COL4A3: variants seen among roughly 807,000 people sequenced by gnomAD.
The protein encoded by COL4A3 is collagen type IV alpha 3 chain, also known as collagen alpha-3(IV) chain.
COL4A3 carries 135 observed loss-of-function variants against 217.4 expected under a neutral mutation model. The observed-to-expected ratio is 0.62, with a 90% CI of 0.54 to 0.72. COL4A3 has a LOEUF of 0.72. Among genes scored for constraint, COL4A3 ranks in the 30% least tolerant of loss-of-function variants. The probability of loss-of-function intolerance (pLI) is 0.00; values close to 1 mark genes in which losing one functional copy is unlikely to be tolerated. For synonymous variants in COL4A3, 690 were observed against 736.3 expected (o/e 0.94, Z 1.02); for missense variants, 1,868 against 2,119.9 (o/e 0.88, Z 2.33).
In COL4A3 at chr2:227,164,960, G is replaced by A; in HGVS notation, c.87+147G>A. On this transcript the variant is annotated intron_variant, in intron 1 of 51. Coordinates refer to ENST00000396578, the MANE Select transcript of COL4A3 (RefSeq NM_000091.5). The surrounding 1 kb of genome is among the most constrained non-coding windows in gnomAD (Gnocchi z 4.8). ...GCTGAGGGCTTCACGCAGGTCCCGGGACAGGCAGCGAGCGGAAGGGAGCAA... is the reference window on the plus strand; with the variant it reads ...GCTGAGGGCTTCACGCAGGTCCCGGAACAGGCAGCGAGCGGAAGGGAGCAA... 2 of 1,045,186 alleles carry A rather than the reference G, an allele frequency of 1.9e-6. No homozygotes were observed. The highest frequency in any genetic ancestry group is 6.1e-5 in the East Asian group (2 of 32,938). 64.7% of individuals were successfully genotyped at this position (1,045,186 alleles called of 1,614,324 possible). A position where few individuals can be genotyped will look rare whatever the true frequency, so the allele number is the denominator to read the frequency against.
Position 227,295,044 on chromosome 2 carries a change from G to A in COL4A3, c.3499G>A (p.Gly1167Arg), listed in dbSNP as rs267606745. ...ACGTGATGGAATTCCTGGTCCAGCC[G>A]GAGAAAAGGGAGAAACGGGTACAAC... ...QGRDGIPGPA[G>R]EKGETGLLRA... The change falls in exon 40 of 52, where the codon GGA (glycine) becomes AGA (arginine). Residue 1167 changes from glycine (G) to arginine (R), a missense_variant. Around this residue, in one of 2 missense-constraint regions of COL4A3, gnomAD observed 1,503 missense variants for 1,786.1 expected, o/e 0.84. Coordinates refer to ENST00000396578, the MANE Select transcript of COL4A3 (RefSeq NM_000091.5). 14 of 1,613,458 alleles carry A rather than the reference G, an allele frequency of 8.7e-6. No homozygotes were observed. Among genetic ancestry groups the A allele is most frequent in the Admixed American group, 3.3e-5 (2 of 59,952 alleles).
rs74379096 is a variant in COL4A3, at chr2:227,310,871, T to C, written c.4851T>C (p.His1617=). 1.2e-6 allele frequency: 2 copies of C among 1,614,042 alleles called. No individual in the cohort carries two copies. The highest frequency in any genetic ancestry group is 2.7e-5 in the African/African-American group (2 of 74,912). Residue 1617 remains histidine (H), a synonymous_variant, in exon 51 of 52, where the codon CAT becomes CAC. Coordinates refer to ENST00000396578, the MANE Select transcript of COL4A3 (RefSeq NM_000091.5). The stretch of plus-strand genomic sequence containing the variant: ...GAGCCAGCCCATTTCTAGAATGTCA[T>C]GGAAGAGGAACGTGCAACTACTATT... ...EFRASPFLEC[H]GRGTCNYYSN...
At chr2:227,263,487 T>C (rs2070715837) in intron 20 of COL4A3, among the ~76,000 whole-genome samples, 1 of 152,236 alleles carries the variant, frequency 6.6e-6, no homozygotes, top group Non-Finnish European at 1.5e-5. Flanking sequence ...ATGGAAGTAT[T>C]CCTCACTTCC....
Position 227,253,336 on chromosome 2 carries a change from G to A in COL4A3, c.686G>A (p.Arg229Gln), listed in dbSNP as rs188942711. The change falls in exon 12 of 52, where the codon CGG becomes CAG. Residue 229 changes from arginine to glutamine, a missense_variant and splice_region_variant. This residue lies in a region of COL4A3 where 365 missense variants were observed against 333.8 expected (regional missense o/e 1.09). Transcript: ENST00000396578. The surrounding 1 kb of genome is among the most constrained non-coding windows in gnomAD (Gnocchi z 4.4). ...AGAGTGATAGGACATAAAGGAGAGC[G>A]GGTAATTTAAATACTATGTTTTATT... ...GERVIGHKGE[R>Q]GVKGLTGPPG... The A allele has an allele frequency of 7.8e-5, 126 of 1,613,574 alleles. No homozygotes were observed. The highest frequency in any genetic ancestry group is 6.6e-4 in the Middle Eastern group (4 of 6,062).
intron 1 of COL4A3, among the ~76,000 whole-genome samples, chr2:227,177,511 C>T (rs1444234736): frequency 6.6e-6 from 1 of 151,986 alleles, no homozygotes; most frequent in Non-Finnish European, 1.5e-5. Flanking sequence ...TAGATTGGTA[C>T]CATAAGTTAT....
intron 1 of COL4A3, among the ~76,000 whole-genome samples, chr2:227,195,828 T>G: frequency 6.6e-6 from 1 of 151,086 alleles, no homozygotes; most frequent in African/African-American, 2.4e-5. Flanking sequence ...CAACAAGAGG[T>G]GGAGATGGAA....
intron 4 of COL4A3, 38 bp downstream of exon 4, chr2:227,244,402 A>G: frequency 6.3e-7 from 1 of 1,589,240 alleles, no homozygotes; most frequent in Non-Finnish European, 8.6e-7. Flanking sequence ...TCGTTAAAAG[A>G]TCAGCTTTTC....
At chr2:227,293,970 G>A (rs879387579) in intron 38 of COL4A3, 113 of 332,020 alleles carry the variant, frequency 3.4e-4, no homozygotes, top group Non-Finnish European at 3.4e-4. Flanking sequence ...GTCATGTTCC[G>A]AAGTACTGAA....
chr2:227,292,610 CTGAAG>C (rs1282562651), intron 37 of COL4A3, among the ~76,000 whole-genome samples: 2 of 152,114 alleles, frequency 1.3e-5, no homozygotes, highest in Admixed American at 6.5e-5. Flanking sequence ...TGTCGTAAAA[CTGAAG>C]TGAAGATTTA....
rs1055711901 is a variant in COL4A3, at chr2:227,179,802, C to T, written c.87+14989C>T. ...TGCAATCAAGTGATGGGCTTAGATA[C>T]GTGTGCAGAGAATAATAGTAAAATT... On this transcript the variant is annotated intron_variant, in intron 1 of 51. Transcript: ENST00000396578. 3.9e-5 allele frequency among the ~76,000 whole-genome samples: 6 copies of T among 152,048 alleles called. No individual in the cohort carries two copies. The East Asian group carries it at 5.8e-4, about 15-fold the overall frequency.
At chr2:227,295,447 T>C in intron 41 of COL4A3, 131 bp downstream of exon 41, 1 of 781,888 alleles carries the variant, frequency 1.3e-6, no homozygotes, top group East Asian at 2.5e-5. Flanking sequence ...AGGATATTTA[T>C]CATCTTGGTC....
chr2:227,186,953 G>T (rs1351837624), intron 1 of COL4A3, among the ~76,000 whole-genome samples: 1 of 152,176 alleles, frequency 6.6e-6, no homozygotes, highest in Non-Finnish European at 1.5e-5. Flanking sequence ...GGTGGAAGGA[G>T]TGAGCAAATT....
intron 19 of COL4A3, chr2:227,260,219 AG>A: frequency 2.3e-6 from 1 of 440,832 alleles, no homozygotes; most frequent in South Asian, 1.9e-5. Context: ...AAACTCACAC[AG>A]AGATGTGCAA....
chr2:227,175,635 G>T (rs943731371), intron 1 of COL4A3, among the ~76,000 whole-genome samples: 7 of 152,178 alleles, frequency 4.6e-5, no homozygotes, highest in Non-Finnish European at 1.5e-5. Flanking sequence ...GGGACACAGG[G>T]AGTCAGGGTA....
In COL4A3 at chr2:227,309,078, T is replaced by G. The variant is rs143083099; in HGVS notation, c.4640+2T>G. On this transcript the variant is annotated splice_donor_variant, in intron 49 of 51. Coordinates refer to ENST00000396578, the MANE Select transcript of COL4A3 (RefSeq NM_000091.5). LOFTEE classifies it high-confidence loss of function. ...AGCCCTTGAGCCTTATATAAGCAGG[T>G]AAAAATCCAATCCCCTAGTTTTACA... The G allele has an allele frequency of 6.2e-7, 1 of 1,614,166 alleles. No homozygotes were observed. Among genetic ancestry groups the G allele is most frequent in the East Asian group, 2.2e-5 (1 of 44,884 alleles).
chr2:227,279,943 GC>G, intron 29 of COL4A3, 53 bp downstream of exon 29: 1 of 1,285,992 alleles, frequency 7.8e-7, no homozygotes, highest in Non-Finnish European at 1.1e-6. Context: ...CCATTAACTG[GC>G]CAGTTTGTAT....
chr2:227,181,017 G>A (rs1422982611), intron 1 of COL4A3, among the ~76,000 whole-genome samples: 1 of 152,142 alleles, frequency 6.6e-6, no homozygotes, highest in Non-Finnish European at 1.5e-5. Context: ...AAAATGAGCA[G>A]AGTATTTACC....
At chr2:227,207,108 C>G (rs2067130242) in intron 1 of COL4A3, among the ~76,000 whole-genome samples, 1 of 152,092 alleles carries the variant, frequency 6.6e-6, no homozygotes, top group African/African-American at 2.4e-5. Flanking sequence ...AATGAGGGGG[C>G]CCTGTCCTAC....
Position 227,303,065 on chromosome 2 carries a change from G to A in COL4A3, c.3910G>A (p.Gly1304Arg). 5 of 1,614,020 alleles carry A rather than the reference G, an allele frequency of 3.1e-6. No homozygotes were observed. Among genetic ancestry groups the A allele is most frequent in the Non-Finnish European group, 4.2e-6 (5 of 1,179,920 alleles). ...AGCACCAGGTACTCCAGGTCTTCCA[G>A]GACCCAGAGGTGATCCTGGATTCCA... ...LGAPGTPGLP[G>R]PRGDPGFQGF... Residue 1304 changes from glycine (G) to arginine (R), a missense_variant, in exon 44 of 52, where the codon GGA becomes AGA. Gly to Arg is a moderately radical substitution (Grantham distance 125). Around this residue, in one of 2 missense-constraint regions of COL4A3, gnomAD observed 1,503 missense variants for 1,786.1 expected, o/e 0.84. Coordinates refer to ENST00000396578, the MANE Select transcript of COL4A3 (RefSeq NM_000091.5).
Sources: gnomAD v4.1 joint callset for allele counts (sites outside exome capture counted in the v4.1 genomes callset) on GRCh38, gnomAD v4.1.1 for gene constraint, gnomAD v4.1.1 regional missense constraint, Gnocchi (gnomAD v3.1) non-coding constraint, MANE v1.5 for transcripts, NCBI Gene and HGNC (gene_info 2026-07-23, HGNC 2026-07-21) for gene names.